FRMD4A: variants seen among roughly 807,000 people sequenced by gnomAD.
The protein encoded by FRMD4A is FERM domain-containing protein 4A.
FRMD4A carries 29 observed loss-of-function variants against 129.1 expected under a neutral mutation model. The ratio of observed to expected loss-of-function variants is 0.22; its 90% CI spans 0.17 to 0.31. FRMD4A has a LOEUF of 0.31. FRMD4A is among the 10% of genes least tolerant of loss of function. The pLI is 1.00. For synonymous variants in FRMD4A, 634 were observed against 571.6 expected (o/e 1.11, Z -1.56); for missense variants, 1,272 against 1,375.8 (o/e 0.92, Z 1.19).
chr10:14,308,475 G>A (rs916184866), intron 2 of FRMD4A, among the ~76,000 whole-genome samples: 1 of 151,846 alleles, frequency 6.6e-6, no homozygotes, highest in Non-Finnish European at 1.5e-5. Flanking sequence ...TCCATAATTA[G>A]AAAAATAGAC....
At chr10:13,687,875 G>A (rs1445606043) in intron 15 of FRMD4A, among the ~76,000 whole-genome samples, 6 of 152,216 alleles carry the variant, frequency 3.9e-5, no homozygotes, top group African/African-American at 1.4e-4. Context: ...ATGGGGAGGT[G>A]AGAATTTCAT....
rs529729839 is a variant in FRMD4A at position 13,844,081 on chromosome 10, A to AGT, written c.111+14764_111+14765dup. 5.2e-4 allele frequency among the ~76,000 whole-genome samples: 79 copies of AGT among 152,058 alleles called. 1 individual carries two copies. Among genetic ancestry groups the AGT allele is most frequent in the Admixed American group, 3.5e-3 (53 of 15,270 alleles). Reference sequence around the variant, plus strand: ...AAGATTTATGCATTGTATGTAGGAGAGTGTGTGTGTGTTATATGAATGCGT... The same window carrying AGT: ...AAGATTTATGCATTGTATGTAGGAGAGTGTGTGTGTGTGTTATATGAATGCGT... On this transcript the variant is annotated intron_variant, in intron 3 of 24. Transcript: ENST00000357447.
Position 13,656,983 on chromosome 10 carries a change from G to A in FRMD4A, c.2606C>T (p.Thr869Met), listed in dbSNP as rs769354778. ...GCCGCCCGCCGTGTAGGAGTTGGAC[G>A]TCTTGAACTGAGCCTTGACGCTGTA... is the stretch of plus-strand genomic sequence containing the variant. ...GHYSVKAQFK[T>M]SNSYTAGGLF... Residue 869 changes from threonine (T) to methionine (M), a missense_variant, in exon 22 of 25, where the codon ACG becomes ATG. Coordinates refer to ENST00000357447, the MANE Select transcript of FRMD4A (RefSeq NM_018027.5). 1.9e-6 allele frequency: 3 copies of A among 1,557,682 alleles called. No homozygotes were observed. The highest frequency in any genetic ancestry group is 1.7e-6 in the Non-Finnish European group (2 of 1,159,142).
intron 2 of FRMD4A, among the ~76,000 whole-genome samples, chr10:14,185,566 G>T (rs181538555): frequency 1.3e-5 from 2 of 152,152 alleles, no homozygotes; most frequent in Non-Finnish European, 2.9e-5. Flanking sequence ...ACTATTTAAA[G>T]GTTCAATCTC....
At chr10:14,185,516 G>A (rs184366917) in intron 2 of FRMD4A, among the ~76,000 whole-genome samples, 30 of 149,544 alleles carry the variant, frequency 2.0e-4, no homozygotes, top group African/African-American at 4.6e-4. Context: ...TTTTTTGGAG[G>A]TTTGTTGTAG....
intron 2 of FRMD4A, among the ~76,000 whole-genome samples, chr10:14,099,441 T>C (rs74122473): frequency 0.022 from 3,328 of 152,310 alleles, 122 homozygotes; most frequent in African/African-American, 0.076. Flanking sequence ...TGTACGTGCA[T>C]AGCCATCCCT....
chr10:13,822,960 G>A (rs537605473), intron 3 of FRMD4A, among the ~76,000 whole-genome samples: 91 of 152,090 alleles, frequency 6.0e-4, no homozygotes, highest in Non-Finnish European at 1.2e-3. Flanking sequence ...AATGCTTTTA[G>A]TCTCCCCATT....
At chr10:13,817,326 A>T (rs568312354) in intron 3 of FRMD4A, among the ~76,000 whole-genome samples, 1 of 152,308 alleles carries the variant, frequency 6.6e-6, no homozygotes, top group East Asian at 1.9e-4. Flanking sequence ...TCCAGTGGGA[A>T]CTGTTCACGT....
intron 2 of FRMD4A, among the ~76,000 whole-genome samples, chr10:14,228,808 T>C (rs937699130): frequency 1.3e-5 from 2 of 152,134 alleles, no homozygotes; most frequent in Non-Finnish European, 2.9e-5. Flanking sequence ...ATTTCTGACA[T>C]GAAGAAAAAT....
At chr10:14,179,018 A>T (rs1373967146) in intron 2 of FRMD4A, among the ~76,000 whole-genome samples, 1 of 152,166 alleles carries the variant, frequency 6.6e-6, no homozygotes, top group African/African-American at 2.4e-5. Context: ...AAGAGAGGGA[A>T]ATAATAACTT....
intron 2 of FRMD4A, among the ~76,000 whole-genome samples, chr10:14,278,120 T>C (rs1459752056): frequency 6.6e-6 from 1 of 152,184 alleles, no homozygotes; most frequent in Non-Finnish European, 1.5e-5. Context: ...TTCTAATCTG[T>C]TGGGAGGCTT....
At chr10:13,914,620 A>C (rs1393721996) in intron 2 of FRMD4A, among the ~76,000 whole-genome samples, 1 of 152,206 alleles carries the variant, frequency 6.6e-6, no homozygotes, top group Non-Finnish European at 1.5e-5. Context: ...CCAACAGGCC[A>C]AAGAGAGACT....
intron 2 of FRMD4A, among the ~76,000 whole-genome samples, chr10:13,981,893 G>A (rs983767108): frequency 1.6e-4 from 24 of 152,192 alleles, no homozygotes; most frequent in African/African-American, 5.3e-4. Flanking sequence ...GCAGGTAGGT[G>A]TGCAGGTGAG....
chr10:13,664,879 T>A (rs1447225914), intron 18 of FRMD4A, among the ~76,000 whole-genome samples: 2 of 152,054 alleles, frequency 1.3e-5, no homozygotes, highest in Non-Finnish European at 2.9e-5. Context: ...CCAGCTTAAC[T>A]ATTTTTTTGT....
intron 2 of FRMD4A, among the ~76,000 whole-genome samples, chr10:14,153,556 G>C (rs187519575): frequency 2.1e-4 from 32 of 152,278 alleles, no homozygotes; most frequent in African/African-American, 7.5e-4. Flanking sequence ...GTAAGATGAG[G>C]CTACACCAGT....
chr10:14,119,254 C>T (rs59117665), intron 2 of FRMD4A, among the ~76,000 whole-genome samples: 2,585 of 152,210 alleles, frequency 0.017, 70 homozygotes, highest in African/African-American at 0.059. Flanking sequence ...CAGCACCTAT[C>T]GGGAGCATCC....
intron 2 of FRMD4A, among the ~76,000 whole-genome samples, chr10:13,866,712 C>A (rs187403288): frequency 3.9e-5 from 6 of 152,182 alleles, no homozygotes; most frequent in Non-Finnish European, 2.9e-5. Context: ...GTAATCCCAG[C>A]GCTTTGGGAG....
At position 14,093,554 on chromosome 10, in the gene FRMD4A, C is replaced by T. The variant is rs147641089; in HGVS notation, c.46-234642G>A. 8.0e-4 allele frequency among the ~76,000 whole-genome samples: 122 copies of T among 152,302 alleles called. 4 individuals carry two copies. Among genetic ancestry groups the T allele is most frequent in the Non-Finnish European group, 5.3e-4 (36 of 68,026 alleles). On this transcript the variant is annotated intron_variant, in intron 2 of 24. Transcript: ENST00000357447. ...AACACACACTCACAATGCTCACACC[C>T]ACTCATACATAATAAAGGCTTTGAC... is the stretch of plus-strand genomic sequence containing the variant.
At chr10:13,981,367 C>T (rs146075093) in intron 2 of FRMD4A, among the ~76,000 whole-genome samples, 508 of 152,200 alleles carry the variant, frequency 3.3e-3, no homozygotes, top group African/African-American at 0.011. Context: ...GAGTTTAGGT[C>T]GACCAGGAGG....
Sources: gnomAD v4.1 joint callset for allele counts (sites outside exome capture counted in the v4.1 genomes callset) on GRCh38, gnomAD v4.1.1 for gene constraint, MANE v1.5 for transcripts, NCBI Gene and HGNC (gene_info 2026-07-23, HGNC 2026-07-21) for gene names.